Variants in SMARCC1 observed in about 807,000 individuals in gnomAD.
SMARCC1 encodes SWI/SNF complex subunit SMARCC1.
SMARCC1 carries 43 observed loss-of-function variants against 147.4 expected under a neutral mutation model. The ratio of observed to expected loss-of-function variants is 0.29; its 90% CI spans 0.23 to 0.38. The LOEUF (loss-of-function observed/expected upper bound fraction) is 0.38, where lower values mean the gene tolerates loss of function less well. Ranked by LOEUF, SMARCC1 falls within the 10% of genes least tolerant of loss-of-function variation. SMARCC1 has a pLI of 1.00. For missense variants in SMARCC1, 1,119 were observed against 1,381.1 expected, an observed-to-expected ratio of 0.81 and a Z score of 3.01; for synonymous variants, 495 against 484.4, an observed-to-expected ratio of 1.02 and a Z score of -0.29.
intron 21 of SMARCC1, among the ~76,000 whole-genome samples, chr3:47,660,049 T>G (rs1387382079): frequency 6.6e-6 from 1 of 152,174 alleles, no homozygotes; most frequent in Admixed American, 6.5e-5. Flanking sequence ...ACTCAGCAAT[T>G]CTACCCCTAG....
At chr3:47,666,945 A>G (rs2033427773) in intron 19 of SMARCC1, among the ~76,000 whole-genome samples, 1 of 152,208 alleles carries the variant, frequency 6.6e-6, no homozygotes, top group African/African-American at 2.4e-5. Flanking sequence ...GTGTATGCAC[A>G]CTGTGAGGAA....
intron 26 of SMARCC1, among the ~76,000 whole-genome samples, chr3:47,599,451 TA>T (rs2032351471): frequency 2.0e-5 from 3 of 152,354 alleles, no homozygotes; most frequent in Non-Finnish European, 4.4e-5. Flanking sequence ...GCACTATATT[TA>T]AGAGTTTTAT....
At chr3:47,779,784 T>C (rs2035018835) in intron 1 of SMARCC1, among the ~76,000 whole-genome samples, 1 of 152,224 alleles carries the variant, frequency 6.6e-6, no homozygotes, top group African/African-American at 2.4e-5. Flanking sequence ...TCTTCCTTGA[T>C]ATTATTCAAA....
intron 6 of SMARCC1, among the ~76,000 whole-genome samples, chr3:47,723,177 G>A (rs1280168793): frequency 1.3e-5 from 2 of 151,646 alleles, no homozygotes; most frequent in Non-Finnish European, 2.9e-5. Flanking sequence ...CCCTCAAAAG[G>A]GCAATCTCTC....
chr3:47,746,070 T>G (rs2034561176), intron 2 of SMARCC1, 77 bp from the exon 3 acceptor site: 1 of 867,562 alleles, frequency 1.2e-6, no homozygotes, highest in Non-Finnish European at 1.8e-6. Flanking sequence ...CTAAGTTTTA[T>G]AAATTCAAAT....
intron 26 of SMARCC1, among the ~76,000 whole-genome samples, chr3:47,597,035 G>C (rs1463633926): frequency 6.6e-6 from 1 of 151,860 alleles, no homozygotes; most frequent in African/African-American, 2.4e-5. Flanking sequence ...AAATTAGCCA[G>C]GCGTGGTGGC....
intron 1 of SMARCC1, among the ~76,000 whole-genome samples, chr3:47,775,031 T>C (rs2034957809): frequency 6.6e-6 from 1 of 152,128 alleles, no homozygotes; most frequent in African/African-American, 2.4e-5. Flanking sequence ...CTAGAACTCC[T>C]GGGTTCAAGT....
intron 24 of SMARCC1, among the ~76,000 whole-genome samples, chr3:47,628,409 CAACTAG>C (rs1200632943): frequency 6.6e-6 from 1 of 152,116 alleles, no homozygotes; most frequent in Non-Finnish European, 1.5e-5. Flanking sequence ...AAGATCCTTC[CAACTAG>C]ACAAAAAGGG....
rs182815535 is a variant in SMARCC1, at chr3:47,602,126, G to A, written c.3043+7940C>T. On this transcript the variant is annotated intron_variant, in intron 26 of 27. Coordinates refer to ENST00000254480, the MANE Select transcript of SMARCC1 (RefSeq NM_003074.4). ...AGGGTTGTGTAAGTAGGTGTGAGGG[G>A]CTTAAAAAGCCAACTGTAGCTGGGT... Among the ~76,000 whole-genome samples the A allele has an allele frequency of 4.6e-5, 7 of 152,172 alleles. No individual in the cohort carries two copies. The East Asian group carries it at 1.4e-3, about 30-fold the overall frequency.
chr3:47,775,515 T>C (rs1025114885), intron 1 of SMARCC1, among the ~76,000 whole-genome samples: 1 of 147,772 alleles, frequency 6.8e-6, no homozygotes, highest in African/African-American at 2.5e-5. Flanking sequence ...GGCTCACACC[T>C]GGAATCCCAG....
intron 18 of SMARCC1, among the ~76,000 whole-genome samples, chr3:47,673,980 G>A (rs1360757850): frequency 6.6e-6 from 1 of 152,108 alleles, no homozygotes; most frequent in African/African-American, 2.4e-5. Context: ...TGACTCACAT[G>A]TTGACCTTTT....
At chr3:47,631,276 C>T (rs868695657) in intron 24 of SMARCC1, among the ~76,000 whole-genome samples, 2 of 152,088 alleles carry the variant, frequency 1.3e-5, no homozygotes, top group East Asian at 1.9e-4. Flanking sequence ...CATGTTGCCA[C>T]GAATACAAAC....
At chr3:47,603,498 A>G (rs1305453995) in intron 26 of SMARCC1, 1 of 153,510 alleles carries the variant, frequency 6.5e-6, no homozygotes, top group African/African-American at 2.4e-5. Flanking sequence ...ACACCTCAGC[A>G]AACAGCAGCC....
At chr3:47,679,554 C>T (rs1186132785) in intron 15 of SMARCC1, among the ~76,000 whole-genome samples, 1 of 152,120 alleles carries the variant, frequency 6.6e-6, no homozygotes, top group Non-Finnish European at 1.5e-5. Context: ...CATACATTCA[C>T]ACACAAGTTG....
chr3:47,592,059 A>C (rs562665361), intron 26 of SMARCC1, among the ~76,000 whole-genome samples: 1 of 152,056 alleles, frequency 6.6e-6, no homozygotes, highest in Non-Finnish European at 1.5e-5. Context: ...TAGAAATAAG[A>C]AAGCTTGATC....
At chr3:47,638,113 CAGAG>C (rs1436440704) in intron 22 of SMARCC1, among the ~76,000 whole-genome samples, 5 of 152,124 alleles carry the variant, frequency 3.3e-5, no homozygotes, top group African/African-American at 1.2e-4. Flanking sequence ...GTTGTTGAGA[CAGAG>C]TCTCGCTCTG....
chr3:47,596,872 C>T (rs1367842058), intron 26 of SMARCC1, among the ~76,000 whole-genome samples: 1 of 146,066 alleles, frequency 6.8e-6, no homozygotes, highest in Admixed American at 6.8e-5. Flanking sequence ...CAAGTTCCTT[C>T]TTTTTTTTTT....
chr3:47,613,881 A>G (rs1407710050), intron 25 of SMARCC1, among the ~76,000 whole-genome samples: 1 of 151,832 alleles, frequency 6.6e-6, no homozygotes, highest in Non-Finnish European at 1.5e-5. Context: ...AACACAACAG[A>G]GCACTTTTCA....
intron 15 of SMARCC1, among the ~76,000 whole-genome samples, chr3:47,679,058 C>G (rs1288487986): frequency 6.6e-6 from 1 of 152,030 alleles, no homozygotes; most frequent in Non-Finnish European, 1.5e-5. Flanking sequence ...ACAGCAGATA[C>G]TAAGGACTTC....
Sources: gnomAD v4.1 joint callset for allele counts (sites outside exome capture counted in the v4.1 genomes callset) on GRCh38, gnomAD v4.1.1 for gene constraint, MANE v1.5 for transcripts, NCBI Gene and HGNC (gene_info 2026-07-23, HGNC 2026-07-21) for gene names.